The following COMMD10 variants were observed in gnomAD, a reference collection of about 807,000 sequenced individuals.
The protein encoded by COMMD10 is COMM domain containing 10, also known as COMM domain-containing protein 10.
In COMMD10, 33 loss-of-function variants were observed where a neutral mutation model predicts 28.9. The ratio of observed to expected loss-of-function variants is 1.14; its 90% CI spans 0.87 to 1.53. The LOEUF is 1.53. Ranked by LOEUF, COMMD10 falls within the 40% of genes most tolerant of loss-of-function variation. COMMD10 has a pLI of 0.00. For missense variants in COMMD10, 310 were observed against 233.4 expected (o/e 1.33, Z -2.14); for synonymous variants, 110 against 81.7 (o/e 1.35, Z -1.87).
intron 5 of COMMD10, among the ~76,000 whole-genome samples, chr5:116,239,408 G>A (rs1340335101): frequency 6.6e-6 from 1 of 152,006 alleles, no homozygotes; most frequent in Non-Finnish European, 1.5e-5. Context: ...AAGATTTGAG[G>A]GTTGGTTTTT....
At chr5:116,274,510 A>G (rs1203230309) in intron 5 of COMMD10, among the ~76,000 whole-genome samples, 1 of 151,846 alleles carries the variant, frequency 6.6e-6, no homozygotes, top group Non-Finnish European at 1.5e-5. Context: ...CCTGCGGACT[A>G]TCAATCCCTG....
At chr5:116,087,907 T>G (rs1750164125) in intron 2 of COMMD10, among the ~76,000 whole-genome samples, 2 of 152,264 alleles carry the variant, frequency 1.3e-5, no homozygotes, top group African/African-American at 4.8e-5. Context: ...GTATATATTT[T>G]GGGACTAAAG....
chr5:116,140,348 C>T (rs775577636), intron 5 of COMMD10, among the ~76,000 whole-genome samples: 2 of 151,396 alleles, frequency 1.3e-5, no homozygotes, highest in Non-Finnish European at 3.0e-5. Context: ...TAGATAGTTA[C>T]GTTGTTTCCA....
At chr5:116,191,097 A>G (rs1748355388) in intron 5 of COMMD10, among the ~76,000 whole-genome samples, 1 of 152,104 alleles carries the variant, frequency 6.6e-6, no homozygotes, top group Non-Finnish European at 1.5e-5. Context: ...GACTCATGCT[A>G]TTTCCAGATT....
chr5:116,154,283 ATTGT>A (rs1258144884), intron 5 of COMMD10, among the ~76,000 whole-genome samples: 3 of 152,280 alleles, frequency 2.0e-5, no homozygotes, highest in African/African-American at 7.2e-5. Context: ...TCTCTCTCCT[ATTGT>A]TTAATTGATG....
intron 5 of COMMD10, among the ~76,000 whole-genome samples, chr5:116,275,272 T>A (rs1375154373): frequency 6.6e-6 from 1 of 151,904 alleles, no homozygotes; most frequent in Non-Finnish European, 1.5e-5. Flanking sequence ...GCCACCATCA[T>A]CACAAATTTA....
At chr5:116,266,561 CTTTAA>C (rs1291115964) in intron 5 of COMMD10, among the ~76,000 whole-genome samples, 3 of 151,796 alleles carry the variant, frequency 2.0e-5, no homozygotes, top group Non-Finnish European at 2.9e-5. Context: ...CTATTACACT[CTTTAA>C]TTTAAATCTC....
intron 4 of COMMD10, 129 bp downstream of exon 4, chr5:116,092,829 T>C: frequency 1.8e-6 from 1 of 560,384 alleles, no homozygotes; most frequent in Non-Finnish European, 2.9e-6. Context: ...CAGATGCTCC[T>C]CAACTTACAA....
At chr5:116,256,264 G>C (rs1448010115) in intron 5 of COMMD10, among the ~76,000 whole-genome samples, 1 of 151,678 alleles carries the variant, frequency 6.6e-6, no homozygotes, top group Non-Finnish European at 1.5e-5. Context: ...TTGAAGACTA[G>C]TGGAAACTTC....
chr5:116,140,997 A>G (rs1259422905), intron 5 of COMMD10, among the ~76,000 whole-genome samples: 2 of 151,790 alleles, frequency 1.3e-5, no homozygotes, highest in Non-Finnish European at 2.9e-5. Context: ...AATTCAAAAT[A>G]TCAGACTAGG....
intron 5 of COMMD10, among the ~76,000 whole-genome samples, chr5:116,178,315 A>T (rs747383782): frequency 3.3e-5 from 5 of 152,072 alleles, no homozygotes; most frequent in Non-Finnish European, 7.4e-5. Flanking sequence ...TAGACCTGTG[A>T]TTCTAGGTTC....
intron 5 of COMMD10, among the ~76,000 whole-genome samples, chr5:116,198,149 C>A (rs1252120465): frequency 2.0e-5 from 3 of 152,086 alleles, no homozygotes; most frequent in African/African-American, 7.2e-5. Flanking sequence ...AGCAGAAAGA[C>A]CTTAATATTA....
chr5:116,161,176 T>G (rs539002479), intron 5 of COMMD10, among the ~76,000 whole-genome samples: 1 of 152,142 alleles, frequency 6.6e-6, no homozygotes, highest in South Asian at 2.1e-4. Flanking sequence ...AACTACTGAT[T>G]ATGTAGAAGG....
At chr5:116,267,670 G>A (rs1419959740) in intron 5 of COMMD10, among the ~76,000 whole-genome samples, 4 of 151,832 alleles carry the variant, frequency 2.6e-5, no homozygotes, top group Non-Finnish European at 5.9e-5. Context: ...AACAAAGCTG[G>A]AGGCATCACA....
At chr5:116,166,884 T>A (rs9326994) in intron 5 of COMMD10, among the ~76,000 whole-genome samples, 16,140 of 151,832 alleles carry the variant, frequency 0.11, 960 homozygotes, top group African/African-American at 0.15. Context: ...TCCATGAAGA[T>A]GAGGAAAAAA....
At chr5:116,168,795 C>G (rs945145389) in intron 5 of COMMD10, among the ~76,000 whole-genome samples, 2 of 152,114 alleles carry the variant, frequency 1.3e-5, no homozygotes, top group African/African-American at 4.8e-5. Context: ...AACAAAGACA[C>G]AATGTACCAG....
intron 5 of COMMD10, among the ~76,000 whole-genome samples, chr5:116,289,959 A>G (rs957029318): frequency 6.6e-6 from 1 of 151,852 alleles, no homozygotes; most frequent in African/African-American, 2.4e-5. Context: ...TCGAAGTTAC[A>G]TTTCTTCTCT....
intron 5 of COMMD10, among the ~76,000 whole-genome samples, chr5:116,238,696 A>G (rs576577478): frequency 2.0e-5 from 3 of 152,326 alleles, no homozygotes; most frequent in Non-Finnish European, 2.9e-5. Context: ...ATCTATTTCT[A>G]CTGGCAACAA....
intron 5 of COMMD10, among the ~76,000 whole-genome samples, chr5:116,211,293 C>G (rs994981187): frequency 1.2e-4 from 19 of 152,012 alleles, no homozygotes; most frequent in Non-Finnish European, 2.6e-4. Context: ...TTACACAAAC[C>G]TAGATGGTAT....
Sources: gnomAD v4.1 joint callset for allele counts (sites outside exome capture counted in the v4.1 genomes callset) on GRCh38, gnomAD v4.1.1 for gene constraint, MANE v1.5 for transcripts, NCBI Gene and HGNC (gene_info 2026-07-23, HGNC 2026-07-21) for gene names.